Variants in PCDHGA12 observed in about 807,000 individuals in gnomAD.
PCDHGA12 encodes the protein protocadherin gamma subfamily A, 12.
A neutral mutation model predicts 61.1 loss-of-function variants in PCDHGA12; 43 were observed. That is an observed-to-expected ratio of 0.70 (90% CI 0.55 to 0.91). PCDHGA12 has a LOEUF of 0.91. Ranked by LOEUF, PCDHGA12 falls within the 40% of genes least tolerant of loss-of-function variation. PCDHGA12 has a pLI of 0.00. For synonymous variants in PCDHGA12, 520 were observed against 542.9 expected (o/e 0.96, Z 0.59); for missense variants, 1,236 against 1,227.7 (o/e 1.01, Z -0.10).
At position 141,512,630 on chromosome 5, in the gene PCDHGA12, G is replaced by C. The variant is rs1335322474; in HGVS notation, c.*1457G>C. On this transcript the variant is annotated 3_prime_UTR_variant, in exon 4 of 4. Transcript: ENST00000252085. ...GGGGCTGCCAGAGAACCCCAGACCT[G>C]CCCTTACAGTAGTGTAGCGCCCCCT... The C allele has an allele frequency of 6.5e-6, 1 of 152,888 alleles. No individual in the cohort carries two copies. Among genetic ancestry groups the C allele is most frequent in the Non-Finnish European group, 1.5e-5 (1 of 68,576 alleles). 9.5% of individuals were successfully genotyped at this position (152,888 alleles called of 1,614,324 possible).
intron 1 of PCDHGA12, among the ~76,000 whole-genome samples, chr5:141,445,415 C>A (rs1235584061): frequency 6.6e-6 from 1 of 152,140 alleles, no homozygotes; most frequent in Non-Finnish European, 1.5e-5. Context: ...TAACTGTCTG[C>A]TATATGCAAG....
At chr5:141,444,329 G>A (rs536314842) in intron 1 of PCDHGA12, among the ~76,000 whole-genome samples, 17 of 151,674 alleles carry the variant, frequency 1.1e-4, no homozygotes, top group Admixed American at 1.1e-3. Flanking sequence ...GTGCCACCAC[G>A]CCCAGCTAAT....
At position 141,476,001 on chromosome 5, in the gene PCDHGA12, C is replaced by G; in HGVS notation, c.2425-18806C>G. The G allele has an allele frequency of 8.1e-7, 1 of 1,235,348 alleles. No homozygotes were observed. Among genetic ancestry groups the G allele is most frequent in the Non-Finnish European group, 1.1e-6 (1 of 894,008 alleles). 76.5% of individuals were successfully genotyped at this position (1,235,348 alleles called of 1,614,324 possible). On this transcript the variant is annotated intron_variant, in intron 1 of 3. Transcript: ENST00000252085. The surrounding 1 kb of genome is among the most constrained non-coding windows in gnomAD (Gnocchi z 7.6). ...CAGCCGGCGAGCAAATCAACGGCATCCAGAAAGCCATGTCGGACTCGGCGC... is the reference window on the plus strand; with the variant it reads ...CAGCCGGCGAGCAAATCAACGGCATGCAGAAAGCCATGTCGGACTCGGCGC...
At chr5:141,450,006 CTTTTTT>C (rs1554136305) in intron 1 of PCDHGA12, among the ~76,000 whole-genome samples, 7,115 of 132,964 alleles carry the variant, frequency 0.054, 434 homozygotes, top group African/African-American at 0.14. Flanking sequence ...TGCCATGTCT[CTTTTTT>C]TTTTTTTTTT....
At chr5:141,495,015 G>C in intron 2 of PCDHGA12, 150 bp downstream of exon 2, 2 of 1,507,428 alleles carry the variant, frequency 1.3e-6, no homozygotes, top group East Asian at 4.9e-5. Flanking sequence ...CGGGGGGCTG[G>C]CACACAGACC....
At chr5:141,505,780 G>A (rs1595982811) in intron 3 of PCDHGA12, among the ~76,000 whole-genome samples, 1 of 139,456 alleles carries the variant, frequency 7.2e-6, no homozygotes, top group Non-Finnish European at 1.6e-5. Flanking sequence ...TCCTAGCTCT[G>A]CTACTATCCT....
Position 141,477,876 on chromosome 5 carries a change from G to A in PCDHGA12, c.2425-16931G>A, listed in dbSNP as rs1412801533. The A allele has an allele frequency of 4.3e-6, 7 of 1,614,144 alleles. No individual in the cohort carries two copies. Among genetic ancestry groups the A allele is most frequent in the Non-Finnish European group, 5.9e-6 (7 of 1,180,030 alleles). ...ATGCTGCCTCGAGGTACCTCAGCTG[G>A]CCACCTAGTGTCACGGGTGGTAGGC... On this transcript the variant is annotated intron_variant, in intron 1 of 3. Coordinates refer to ENST00000252085, the MANE Select transcript of PCDHGA12 (RefSeq NM_003735.3). The surrounding 1 kb of genome is among the most constrained non-coding windows in gnomAD (Gnocchi z 4.9).
chr5:141,466,020 G>A (rs973577698), intron 1 of PCDHGA12, among the ~76,000 whole-genome samples: 2 of 151,974 alleles, frequency 1.3e-5, no homozygotes, highest in South Asian at 4.1e-4. Context: ...TACTCGGGAG[G>A]GTGAGGCAGG....
chr5:141,432,250 A>C lies in PCDHGA12; in HGVS notation c.1491A>C (p.Gln497His), dbSNP rs777728825. ...ITYSLAENTI[Q>H]GASLSSYVSI... ...ATTCCCTGGCTGAGAACACCATCCA[A>C]GGGGCAAGCCTATCGTCCTACGTGT... The change falls in exon 1 of 4, where the codon CAA (glutamine) becomes CAC (histidine). Residue 497 changes from glutamine (Q) to histidine (H), a missense_variant. By Grantham distance (24) the Gln-to-His change is conservative. Coordinates refer to ENST00000252085, the MANE Select transcript of PCDHGA12 (RefSeq NM_003735.3). This position sits in a 1 kb window ranked among gnomAD's most constrained non-coding sequence, Gnocchi z 6.0. 2 of 1,614,116 alleles carry C rather than the reference A, an allele frequency of 1.2e-6. No homozygotes were observed. The highest frequency in any genetic ancestry group is 1.7e-6 in the Non-Finnish European group (2 of 1,180,062).
chr5:141,483,213 C>T (rs1343903817), intron 1 of PCDHGA12, among the ~76,000 whole-genome samples: 1 of 152,142 alleles, frequency 6.6e-6, no homozygotes, highest in Non-Finnish European at 1.5e-5. Flanking sequence ...ATATAGATGA[C>T]AGTCACTGCA....
chr5:141,503,598 CAAAAAAAAAA>C (rs765754054), intron 2 of PCDHGA12, among the ~76,000 whole-genome samples: 1 of 65,762 alleles, frequency 1.5e-5, no homozygotes. Context: ...GACTCCAGCT[CAAAAAAAAAA>C]AAAAAAGAAA....
intron 1 of PCDHGA12, among the ~76,000 whole-genome samples, chr5:141,482,238 A>G (rs560354311): frequency 8.5e-5 from 13 of 152,304 alleles, no homozygotes; most frequent in African/African-American, 2.9e-4. Context: ...TTGCCAATAT[A>G]AGTATAGTAC....
intron 1 of PCDHGA12, among the ~76,000 whole-genome samples, chr5:141,437,250 G>T (rs1191184272): frequency 6.6e-6 from 1 of 152,102 alleles, no homozygotes; most frequent in African/African-American, 2.4e-5. Flanking sequence ...GACTTTCCTT[G>T]TCTTTTTATG....
At chr5:141,510,353 C>T (rs74759939) in intron 3 of PCDHGA12, among the ~76,000 whole-genome samples, 2 of 146,504 alleles carry the variant, frequency 1.4e-5, no homozygotes, top group African/African-American at 5.0e-5. Context: ...CACTTACTAA[C>T]GGAACTACCG....
chr5:141,460,795 G>GTA (rs2154567069), intron 1 of PCDHGA12, among the ~76,000 whole-genome samples: 1 of 151,608 alleles, frequency 6.6e-6, no homozygotes, highest in East Asian at 1.9e-4. Flanking sequence ...TACACACAAA[G>GTA]TATATATATG....
At position 141,477,866 on chromosome 5, in the gene PCDHGA12, A is replaced by G; in HGVS notation, c.2425-16941A>G. ...CTCGGTGGAGATGCTGCCTCGAGGT[A>G]CCTCAGCTGGCCACCTAGTGTCACG... On this transcript the variant is annotated intron_variant, in intron 1 of 3. Coordinates refer to ENST00000252085, the MANE Select transcript of PCDHGA12 (RefSeq NM_003735.3). This position sits in a 1 kb window ranked among gnomAD's most constrained non-coding sequence, Gnocchi z 4.9. 1 of 1,614,072 alleles carries G rather than the reference A, an allele frequency of 6.2e-7. No homozygotes were observed. Among genetic ancestry groups the G allele is most frequent in the Non-Finnish European group, 8.5e-7 (1 of 1,179,988 alleles).
At chr5:141,482,116 T>C (rs1017195289) in intron 1 of PCDHGA12, among the ~76,000 whole-genome samples, 4 of 150,222 alleles carry the variant, frequency 2.7e-5, no homozygotes, top group South Asian at 2.1e-4. Context: ...TATCTAGAGA[T>C]GGGAGAATCA....
Position 141,489,941 on chromosome 5 carries a change from A to G in PCDHGA12, c.2425-4866A>G. Reference sequence around the variant, plus strand: ...ACCCTTATCTCTGTCATCGTGCTGGACATCAATGATAATGCTCCAACCTTC... The same window carrying G: ...ACCCTTATCTCTGTCATCGTGCTGGGCATCAATGATAATGCTCCAACCTTC... On this transcript the variant is annotated intron_variant, in intron 1 of 3. Transcript: ENST00000252085. The surrounding 1 kb of genome is among the most constrained non-coding windows in gnomAD (Gnocchi z 4.5). 1.2e-6 allele frequency: 2 copies of G among 1,614,228 alleles called. No homozygotes were observed. The highest frequency in any genetic ancestry group is 1.7e-6 in the Non-Finnish European group (2 of 1,180,034).
intron 1 of PCDHGA12, among the ~76,000 whole-genome samples, chr5:141,450,375 A>G (rs1338336573): frequency 1.3e-5 from 2 of 152,166 alleles, no homozygotes; most frequent in Non-Finnish European, 2.9e-5. Context: ...GTTTGTTTAT[A>G]TGAAACTGAC....
Sources: allele counts gnomAD v4.1 joint callset (sites outside exome capture counted in the v4.1 genomes callset), GRCh38; gene constraint gnomAD v4.1.1; non-coding constraint Gnocchi (gnomAD v3.1); transcripts MANE v1.5; gene names NCBI Gene and HGNC (gene_info 2026-07-23, HGNC 2026-07-21).